The following MYO1E variants were observed in gnomAD, a reference collection of about 807,000 sequenced individuals.
MYO1E encodes unconventional myosin-Ie.
A neutral mutation model predicts 151.1 loss-of-function variants in MYO1E; 68 were observed. The observed-to-expected ratio is 0.45, with a 90% CI of 0.37 to 0.55. The LOEUF is 0.55. MYO1E is among the 20% of genes least tolerant of loss of function. The pLI is 0.00. For synonymous variants in MYO1E, 601 were observed against 501.7 expected, an observed-to-expected ratio of 1.20 and a Z score of -2.64; for missense variants, 1,363 against 1,389.3, an observed-to-expected ratio of 0.98 and a Z score of 0.30.
chr15:59,165,216 G>A (rs2079557256), intron 22 of MYO1E, among the ~76,000 whole-genome samples: 1 of 152,160 alleles, frequency 6.6e-6, no homozygotes. Flanking sequence ...CAGCACAATT[G>A]GATAGGAAGG....
intron 3 of MYO1E, among the ~76,000 whole-genome samples, chr15:59,257,636 G>C (rs1284425333): frequency 6.6e-6 from 1 of 152,176 alleles, no homozygotes; most frequent in African/African-American, 2.4e-5. Context: ...TCTGGAAGAT[G>C]AGAGTTTGGT....
intron 1 of MYO1E, among the ~76,000 whole-genome samples, chr15:59,292,723 G>A (rs1428009471): frequency 6.6e-6 from 1 of 152,196 alleles, no homozygotes; most frequent in Admixed American, 6.5e-5. Context: ...ACTGAACTGC[G>A]ACAGTACTAC....
At chr15:59,284,246 C>T (rs561638257) in intron 1 of MYO1E, among the ~76,000 whole-genome samples, 4 of 152,330 alleles carry the variant, frequency 2.6e-5, no homozygotes, top group African/African-American at 9.6e-5. Flanking sequence ...ACTGTGGCAG[C>T]AGCTATCGTG....
In MYO1E at chr15:59,267,752, T is replaced by C. The variant is rs115366191; in HGVS notation, c.147+4554A>G. Among the ~76,000 whole-genome samples the C allele has an allele frequency of 2.5e-3, 375 of 152,342 alleles. 3 individuals are homozygous for C. Among genetic ancestry groups the C allele is most frequent in the African/African-American group, 7.8e-3 (326 of 41,596 alleles). ...CGGCCAAGTGGTCAGAAGTGCTCTCTCCCTATGCACAATAGACAACACTGT... is the reference window on the plus strand; with the variant it reads ...CGGCCAAGTGGTCAGAAGTGCTCTCCCCCTATGCACAATAGACAACACTGT... On this transcript the variant is annotated intron_variant, in intron 2 of 27. Transcript: ENST00000288235.
rs762571243 is a variant in MYO1E at position 59,223,081 on chromosome 15, G to A, written c.888C>T (p.Tyr296=). 33 of 1,613,836 alleles carry A rather than the reference G, an allele frequency of 2.0e-5. No homozygotes were observed. The highest frequency in any genetic ancestry group is 1.7e-4 in the Middle Eastern group (1 of 6,042). ...CACACTCTTCACTCTCCACAGCCGC[G>A]TAGTTGCCAACTTCTTTGAAGCTGA... ...GNISFKEVGN[Y]AAVESEEFLA... The change falls in exon 9 of 28, where the codon TAC becomes TAT. Residue 296 remains tyrosine, a synonymous_variant. Transcript: ENST00000288235.
intron 14 of MYO1E, chr15:59,208,002 G>T: frequency 1.2e-6 from 2 of 1,612,572 alleles, no homozygotes; most frequent in Non-Finnish European, 1.7e-6. Flanking sequence ...ACCTTATAAA[G>T]ATAAAGCTGA....
chr15:59,163,935 T>C (rs1448106606), intron 22 of MYO1E, among the ~76,000 whole-genome samples: 3 of 152,176 alleles, frequency 2.0e-5, no homozygotes. Flanking sequence ...GCAAAAATCA[T>C]CACCTTCAAG....
intron 4 of MYO1E, among the ~76,000 whole-genome samples, chr15:59,249,031 G>C (rs1209878261): frequency 1.3e-5 from 2 of 152,174 alleles, no homozygotes; most frequent in African/African-American, 4.8e-5. Context: ...CTCAACTCCA[G>C]CTGTTTTGAC....
At chr15:59,150,841 CAG>C (rs1317150429) in intron 26 of MYO1E, among the ~76,000 whole-genome samples, 1 of 152,150 alleles carries the variant, frequency 6.6e-6, no homozygotes, top group African/African-American at 2.4e-5. Context: ...CCTACAGAAT[CAG>C]AAACGCGGAA....
intron 17 of MYO1E, among the ~76,000 whole-genome samples, chr15:59,192,148 C>T (rs1262625708): frequency 1.3e-5 from 2 of 152,120 alleles, no homozygotes; most frequent in Non-Finnish European, 2.9e-5. Context: ...ACACAATAAA[C>T]CCAAACCAGG....
chr15:59,351,939 C>T (rs529707582), intron 1 of MYO1E, among the ~76,000 whole-genome samples: 1 of 152,304 alleles, frequency 6.6e-6, no homozygotes, highest in East Asian at 1.9e-4. Flanking sequence ...TGCTATTGAT[C>T]GTCCCCATTC....
chr15:59,213,369 T>C (rs961438936), intron 12 of MYO1E, among the ~76,000 whole-genome samples: 16 of 151,620 alleles, frequency 1.1e-4, no homozygotes, highest in Non-Finnish European at 1.8e-4. Flanking sequence ...CGGGGTTTCA[T>C]CATGTTGGCC....
chr15:59,356,469 C>T (rs79170658), intron 1 of MYO1E, among the ~76,000 whole-genome samples: 3,863 of 152,318 alleles, frequency 0.025, 85 homozygotes, highest in African/African-American at 0.062. Flanking sequence ...TTTAAGAATG[C>T]TCCACCTTGT....
chr15:59,314,409 A>G (rs1457841690), intron 1 of MYO1E, among the ~76,000 whole-genome samples: 1 of 152,052 alleles, frequency 6.6e-6, no homozygotes. Context: ...CCTCCTTCCC[A>G]CATACTGTGA....
At chr15:59,347,926 C>T (rs189734139) in intron 1 of MYO1E, among the ~76,000 whole-genome samples, 1 of 152,260 alleles carries the variant, frequency 6.6e-6, no homozygotes, top group East Asian at 1.9e-4. Flanking sequence ...AAAAGAAAAA[C>T]ACCCTGCTGC....
At chr15:59,202,601 A>T (rs1386924232) in intron 15 of MYO1E, among the ~76,000 whole-genome samples, 194 bp from the exon 16 acceptor site, 1 of 152,198 alleles carries the variant, frequency 6.6e-6, no homozygotes, top group African/African-American at 2.4e-5. Flanking sequence ...TCATGAAGGG[A>T]AAGAATTCTA....
chr15:59,334,631 G>A (rs1205566746), intron 1 of MYO1E, among the ~76,000 whole-genome samples: 3 of 152,112 alleles, frequency 2.0e-5, no homozygotes, highest in Admixed American at 6.5e-5. Context: ...AGAATCAGAT[G>A]GTATCAATAA....
chr15:59,241,829 GGATTGTTT>G (rs2080101523), intron 4 of MYO1E, among the ~76,000 whole-genome samples: 1 of 152,128 alleles, frequency 6.6e-6, no homozygotes, highest in Admixed American at 6.5e-5. Context: ...TGAGGTGGGA[GGATTGTTT>G]GAGTCCAGGA....
intron 2 of MYO1E, among the ~76,000 whole-genome samples, chr15:59,267,972 A>G (rs1048997252): frequency 6.6e-6 from 1 of 152,190 alleles, no homozygotes; most frequent in Non-Finnish European, 1.5e-5. Context: ...GCCTGAATGC[A>G]TTAACAATCG....
Sources: gnomAD v4.1 joint callset for allele counts (sites outside exome capture counted in the v4.1 genomes callset) on GRCh38, gnomAD v4.1.1 for gene constraint, MANE v1.5 for transcripts, NCBI Gene and HGNC (gene_info 2026-07-23, HGNC 2026-07-21) for gene names.